LEMD3: variants seen among roughly 807,000 people sequenced by gnomAD.
The protein encoded by LEMD3 is inner nuclear membrane protein Man1.
Under a neutral mutation model 95.2 loss-of-function variants are expected in LEMD3, and 33 were observed. That is an observed-to-expected ratio of 0.35 (90% CI 0.26 to 0.46). The LOEUF is 0.46. LEMD3 is among the 20% of genes least tolerant of loss of function. LEMD3 has a pLI of 1.00. For synonymous variants in LEMD3, 525 were observed against 474.6 expected, an observed-to-expected ratio of 1.11 and a Z score of -1.38; for missense variants, 1,210 against 1,192.8, an observed-to-expected ratio of 1.01 and a Z score of -0.21.
intron 2 of LEMD3, among the ~76,000 whole-genome samples, chr12:65,213,906 A>G (rs944152355): frequency 2.6e-5 from 4 of 152,188 alleles, no homozygotes; most frequent in African/African-American, 9.7e-5. Context: ...TTTAATCCCA[A>G]AACTTAACTA....
intron 1 of LEMD3, among the ~76,000 whole-genome samples, chr12:65,199,560 A>T (rs1358343650): frequency 1.4e-4 from 21 of 152,154 alleles, no homozygotes; most frequent in Non-Finnish European, 5.9e-5. Flanking sequence ...AATGTAAATT[A>T]TATGAATTTC....
intron 1 of LEMD3, among the ~76,000 whole-genome samples, chr12:65,183,268 C>CT (rs1868960537): frequency 6.6e-6 from 1 of 152,028 alleles, no homozygotes; most frequent in South Asian, 2.1e-4. Flanking sequence ...ATTTTATGCT[C>CT]TTTTTTGAAT....
At chr12:65,222,706 C>CTT (rs1011579155) in intron 4 of LEMD3, among the ~76,000 whole-genome samples, 1 of 151,558 alleles carries the variant, frequency 6.6e-6, no homozygotes, top group African/African-American at 2.4e-5. Flanking sequence ...TTAGTATGTT[C>CTT]TTTTTTTAGT....
At chr12:65,238,957 T>G in intron 6 of LEMD3, 143 bp downstream of exon 6, 1 of 757,090 alleles carries the variant, frequency 1.3e-6, no homozygotes, top group Non-Finnish European at 2.2e-6. Flanking sequence ...ATAATAAAAA[T>G]AATGTCAGAA....
intron 1 of LEMD3, among the ~76,000 whole-genome samples, chr12:65,186,293 G>A (rs896883103): frequency 4.6e-5 from 7 of 151,548 alleles, no homozygotes; most frequent in East Asian, 1.9e-4. Context: ...TATAACTTGC[G>A]GAGCAAGCAT....
chr12:65,215,955 T>C, intron 2 of LEMD3, 22 bp from the exon 3 acceptor site: 1 of 1,161,350 alleles, frequency 8.6e-7, no homozygotes, highest in Non-Finnish European at 1.3e-6. Flanking sequence ...GGGTATTTCA[T>C]AATAACTTCT....
chr12:65,189,488 T>G (rs1869170796), intron 1 of LEMD3, among the ~76,000 whole-genome samples: 1 of 152,200 alleles, frequency 6.6e-6, no homozygotes, highest in African/African-American at 2.4e-5. Flanking sequence ...ACTCCCTGAG[T>G]GGCCCATTCA....
chr12:65,222,487 T>C (rs1870320375), intron 4 of LEMD3, among the ~76,000 whole-genome samples: 2 of 152,200 alleles, frequency 1.3e-5, no homozygotes, highest in African/African-American at 4.8e-5. Flanking sequence ...TTCAGAAGAA[T>C]TTGAATAGGA....
Position 65,169,948 on chromosome 12 carries a change from C to G in LEMD3, c.352C>G (p.Leu118Val), listed in dbSNP as rs1315056466. 11 of 1,457,176 alleles carry G rather than the reference C, an allele frequency of 7.5e-6. No homozygotes were observed. The highest frequency in any genetic ancestry group is 1.4e-5 in the South Asian group (1 of 69,226). The allele number at this position is 1,457,176 out of a possible 1,614,324, so 90.3% of individuals were successfully genotyped here. Residue 118 changes from leucine to valine, a missense_variant, in exon 1 of 13, where the codon CTC becomes GTC. Coordinates refer to ENST00000308330, the MANE Select transcript of LEMD3 (RefSeq NM_014319.5). ...AATCTCGGCCTCTGGCCCAGAGAGC[C>G]TCCTGGGAGGGCCCGGGGGCGCCTC... is the stretch of plus-strand genomic sequence containing the variant. ...CRISASGPES[L>V]LGGPGGASAA...
chr12:65,182,576 A>T (rs542534018), intron 1 of LEMD3, among the ~76,000 whole-genome samples: 1 of 152,228 alleles, frequency 6.6e-6, no homozygotes, highest in East Asian at 1.9e-4. Context: ...CACGTTACAT[A>T]ATTAGTGCCT....
At chr12:65,194,817 C>G (rs55640508) in intron 1 of LEMD3, among the ~76,000 whole-genome samples, 1 of 10,426 alleles carries the variant, frequency 9.6e-5, no homozygotes, top group Non-Finnish European at 2.3e-4. Flanking sequence ...CTTAATTATA[C>G]TTTAGATTAT....
At chr12:65,216,261 T>C (rs1384101857) in intron 3 of LEMD3, among the ~76,000 whole-genome samples, 2 of 151,770 alleles carry the variant, frequency 1.3e-5, no homozygotes, top group African/African-American at 2.4e-5. Context: ...AATATATATA[T>C]ATAATATAGT....
intron 1 of LEMD3, among the ~76,000 whole-genome samples, chr12:65,196,439 T>C (rs1869431738): frequency 6.6e-6 from 1 of 152,052 alleles, no homozygotes; most frequent in South Asian, 2.1e-4. Flanking sequence ...ACTCTTGAGT[T>C]ACCTTTGGTA....
intron 1 of LEMD3, among the ~76,000 whole-genome samples, chr12:65,196,418 T>C (rs1202567324): frequency 6.6e-6 from 1 of 152,048 alleles, no homozygotes; most frequent in East Asian, 1.9e-4. Context: ...TTTATCACTG[T>C]GGCCCCTGTA....
chr12:65,190,436 A>C (rs562499378), intron 1 of LEMD3, among the ~76,000 whole-genome samples: 121 of 152,206 alleles, frequency 7.9e-4, no homozygotes, highest in African/African-American at 2.9e-3. Context: ...TATTCTCTCT[A>C]AAGCTTGCTA....
At chr12:65,215,329 G>A (rs1870075453) in intron 2 of LEMD3, among the ~76,000 whole-genome samples, 1 of 152,048 alleles carries the variant, frequency 6.6e-6, no homozygotes, top group Admixed American at 6.5e-5. Flanking sequence ...GAAGAAGGAG[G>A]GAAGAGAATC....
At chr12:65,243,122 T>C (rs1278536080) in intron 9 of LEMD3, among the ~76,000 whole-genome samples, 2 of 152,140 alleles carry the variant, frequency 1.3e-5, no homozygotes, top group Non-Finnish European at 2.9e-5. Flanking sequence ...GAGGTTAAGT[T>C]ACTTTTAAAA....
chr12:65,233,319 A>T (rs2136350611), intron 4 of LEMD3, among the ~76,000 whole-genome samples: 1 of 152,266 alleles, frequency 6.6e-6, no homozygotes, highest in South Asian at 2.1e-4. Flanking sequence ...AAGGGTTAGG[A>T]TCTGAAAAAG....
chr12:65,232,518 A>G (rs983441013), intron 4 of LEMD3, among the ~76,000 whole-genome samples: 12 of 152,160 alleles, frequency 7.9e-5, no homozygotes, highest in Admixed American at 2.0e-4. Flanking sequence ...TTAATTATTT[A>G]TGTTTAATTC....
Sources: gnomAD v4.1 joint callset for allele counts (sites outside exome capture counted in the v4.1 genomes callset) on GRCh38, gnomAD v4.1.1 for gene constraint, MANE v1.5 for transcripts, NCBI Gene and HGNC (gene_info 2026-07-23, HGNC 2026-07-21) for gene names.